Variants in ADAMTS3 observed in about 807,000 individuals in gnomAD.
ADAMTS3 encodes the protein A disintegrin and metalloproteinase with thrombospondin motifs 3.
Under a neutral mutation model 129.0 loss-of-function variants are expected in ADAMTS3, and 73 were observed. That is an observed-to-expected ratio of 0.57 (90% CI 0.47 to 0.69). The LOEUF (loss-of-function observed/expected upper bound fraction) is 0.69, where lower values mean the gene tolerates loss of function less well. Among genes scored for constraint, ADAMTS3 ranks in the 30% least tolerant of loss-of-function variants. The pLI is 0.00. For missense variants in ADAMTS3, 1,457 were observed against 1,514.5 expected, an observed-to-expected ratio of 0.96 and a Z score of 0.63; for synonymous variants, 477 against 510.8, an observed-to-expected ratio of 0.93 and a Z score of 0.89.
chr4:72,392,778 T>C (rs1721630688), intron 4 of ADAMTS3, among the ~76,000 whole-genome samples: 1 of 152,186 alleles, frequency 6.6e-6, no homozygotes, highest in African/African-American at 2.4e-5. Flanking sequence ...TTTTTTTCAC[T>C]TTATTTTTAC....
intron 3 of ADAMTS3, among the ~76,000 whole-genome samples, chr4:72,467,415 T>C (rs1718951442): frequency 6.6e-6 from 1 of 152,050 alleles, no homozygotes; most frequent in Non-Finnish European, 1.5e-5. Flanking sequence ...AGAGCACTCC[T>C]AAGTGAAAAC....
At chr4:72,339,435 A>T in intron 5 of ADAMTS3, 59 bp downstream of exon 5, 1 of 1,564,492 alleles carries the variant, frequency 6.4e-7, no homozygotes, top group Non-Finnish European at 8.8e-7. Flanking sequence ...AAAGGGTACC[A>T]ACAAATAAGA....
At chr4:72,538,470 C>T (rs1315457509) in intron 3 of ADAMTS3, among the ~76,000 whole-genome samples, 1 of 151,560 alleles carries the variant, frequency 6.6e-6, no homozygotes, top group South Asian at 2.1e-4. Context: ...ATTCCAGAGG[C>T]AGTGGACTGA....
At chr4:72,434,028 C>A (rs991005802) in intron 3 of ADAMTS3, among the ~76,000 whole-genome samples, 10 of 151,702 alleles carry the variant, frequency 6.6e-5, no homozygotes, top group Non-Finnish European at 1.5e-4. Context: ...GTCAGATATA[C>A]TAACAATCAA....
intron 4 of ADAMTS3, among the ~76,000 whole-genome samples, chr4:72,344,578 T>A (rs991540759): frequency 1.3e-5 from 2 of 152,124 alleles, no homozygotes; most frequent in Non-Finnish European, 2.9e-5. Context: ...GACTAAGGGT[T>A]ACATGTGACT....
chr4:72,350,850 T>C (rs1250610378), intron 4 of ADAMTS3, among the ~76,000 whole-genome samples: 2 of 151,956 alleles, frequency 1.3e-5, no homozygotes, highest in African/African-American at 2.4e-5. Flanking sequence ...CTCACATATA[T>C]ATGCGATGAT....
At chr4:72,438,858 G>A (rs1203769566) in intron 3 of ADAMTS3, among the ~76,000 whole-genome samples, 1 of 151,682 alleles carries the variant, frequency 6.6e-6, no homozygotes, top group Non-Finnish European at 1.5e-5. Context: ...GAACGGCAGT[G>A]CTAAGACATC....
chr4:72,413,442 G>T (rs573622658), intron 4 of ADAMTS3, among the ~76,000 whole-genome samples: 2 of 152,076 alleles, frequency 1.3e-5, no homozygotes, highest in African/African-American at 4.8e-5. Flanking sequence ...CCAGTCTTCT[G>T]ATTTAGAATA....
rs777769194 is a variant in ADAMTS3 at position 72,568,748 on chromosome 4, T to A, written c.15A>T (p.Ser5=). The change falls in exon 1 of 22, where the codon TCA becomes TCT. Residue 5 remains serine, a synonymous_variant. Coordinates refer to ENST00000286657, the MANE Select transcript of ADAMTS3 (RefSeq NM_014243.3). The part of the protein sequence containing the change: MVLL[S]LWLIAAALVE... ...CCAGAGCGGCTGCTATCAACCAAAG[T>A]GACAGGAGAACCATCACGAGTCGAG... The A allele has an allele frequency of 6.2e-7, 1 of 1,612,734 alleles. No homozygotes were observed. Among genetic ancestry groups the A allele is most frequent in the South Asian group, 1.1e-5 (1 of 91,022 alleles).
At chr4:72,321,218 C>G (rs1270910959) in intron 6 of ADAMTS3, among the ~76,000 whole-genome samples, 4 of 152,300 alleles carry the variant, frequency 2.6e-5, no homozygotes, top group Non-Finnish European at 4.4e-5. Flanking sequence ...CTCACCCAGG[C>G]TGAAGTGCAG....
intron 3 of ADAMTS3, among the ~76,000 whole-genome samples, chr4:72,541,473 G>A (rs960205939): frequency 6.6e-6 from 1 of 152,198 alleles, no homozygotes; most frequent in Admixed American, 6.5e-5. Context: ...TTGGGGAACT[G>A]TTGGGAAGGC....
intron 9 of ADAMTS3, 88 bp from the exon 10 acceptor site, chr4:72,318,792 A>G: frequency 7.5e-7 from 1 of 1,333,432 alleles, no homozygotes. Context: ...TAGCTTATAT[A>G]CTTTAGAATT....
chr4:72,455,416 T>C (rs1234354891), intron 3 of ADAMTS3, among the ~76,000 whole-genome samples: 6 of 150,908 alleles, frequency 4.0e-5, no homozygotes, highest in Non-Finnish European at 7.4e-5. Context: ...TATGTGGGAG[T>C]TGAACAATGA....
At chr4:72,403,208 A>G (rs996377317) in intron 4 of ADAMTS3, among the ~76,000 whole-genome samples, 7 of 152,096 alleles carry the variant, frequency 4.6e-5, no homozygotes, top group African/African-American at 1.7e-4. Context: ...TGAGGCCTGG[A>G]CATGGTACTT....
At chr4:72,363,055 A>G (rs1450198935) in intron 4 of ADAMTS3, among the ~76,000 whole-genome samples, 2 of 152,160 alleles carry the variant, frequency 1.3e-5, no homozygotes, top group Non-Finnish European at 2.9e-5. Flanking sequence ...GCTGGTGTAT[A>G]TAATTCAAGG....
intron 4 of ADAMTS3, among the ~76,000 whole-genome samples, chr4:72,387,107 C>A (rs1237905797): frequency 3.3e-5 from 5 of 152,138 alleles, no homozygotes; most frequent in African/African-American, 1.2e-4. Context: ...ATTATCAAAG[C>A]AAATCACTGA....
rs1719599612 is a variant in ADAMTS3 at position 72,323,008 on chromosome 4, T to A, written c.945+6A>T. The A allele has an allele frequency of 6.2e-7, 1 of 1,608,758 alleles. No individual in the cohort carries two copies. Among genetic ancestry groups the A allele is most frequent in the South Asian group, 1.1e-5 (1 of 90,944 alleles). On this transcript the variant is annotated splice_donor_region_variant and intron_variant, in intron 6 of 21. Transcript: ENST00000286657. ...TGTTTATAATTCATGTTTTAAGACATTTTACCTTTGCATATCCCAGCATTA... is the reference window on the plus strand; with the variant it reads ...TGTTTATAATTCATGTTTTAAGACAATTTACCTTTGCATATCCCAGCATTA...
rs973946326 is a variant in ADAMTS3 at position 72,548,327 on chromosome 4, A to T, written c.504+151T>A. ...AATTAAGCCAAAATGCATATCTTTGACAGCAAAATGCTTTCTAGTGTCTTT... is the reference window on the plus strand; with the variant it reads ...AATTAAGCCAAAATGCATATCTTTGTCAGCAAAATGCTTTCTAGTGTCTTT... On this transcript the variant is annotated intron_variant, in intron 3 of 21. Coordinates refer to ENST00000286657, the MANE Select transcript of ADAMTS3 (RefSeq NM_014243.3). 4.9e-5 allele frequency: 37 copies of T among 754,266 alleles called. No individual in the cohort carries two copies. The African/African-American group carries it at 5.6e-4, about 11-fold the overall frequency. 46.7% of individuals were successfully genotyped at this position (754,266 alleles called of 1,614,324 possible).
intron 17 of ADAMTS3, among the ~76,000 whole-genome samples, chr4:72,299,441 G>C (rs1375339884): frequency 1.3e-5 from 2 of 152,160 alleles, no homozygotes; most frequent in Non-Finnish European, 2.9e-5. Context: ...TTGTTAATAA[G>C]TGTGTGGTAA....
Sources: gnomAD v4.1 joint callset for allele counts (sites outside exome capture counted in the v4.1 genomes callset) on GRCh38, gnomAD v4.1.1 for gene constraint, MANE v1.5 for transcripts, NCBI Gene and HGNC (gene_info 2026-07-23, HGNC 2026-07-21) for gene names.